ANO4: variants seen among roughly 807,000 people sequenced by gnomAD.
ANO4 encodes anoctamin-4.
In ANO4, 69 loss-of-function variants were observed where a neutral mutation model predicts 141.9. The observed-to-expected ratio is 0.49, with a 90% CI of 0.40 to 0.59. ANO4 has a LOEUF of 0.59. Among genes scored for constraint, ANO4 ranks in the 20% least tolerant of loss-of-function variants. ANO4 has a pLI of 0.00. For synonymous variants in ANO4, 350 were observed against 394.3 expected, an observed-to-expected ratio of 0.89 and a Z score of 1.33; for missense variants, 894 against 1,162.2, an observed-to-expected ratio of 0.77 and a Z score of 3.36.
intron 3 of ANO4, among the ~76,000 whole-genome samples, chr12:100,779,661 T>C (rs543001320): frequency 6.6e-6 from 1 of 152,320 alleles, no homozygotes; most frequent in African/African-American, 2.4e-5. Flanking sequence ...ACCCCTCATA[T>C]GTAGGTTGGT....
chr12:101,111,451 G>C (rs1207581187), intron 23 of ANO4, 112 bp from the exon 24 acceptor site: 3 of 1,023,396 alleles, frequency 2.9e-6, no homozygotes, highest in Non-Finnish European at 4.1e-6. Flanking sequence ...TCAGTATTTG[G>C]AAAGATGAAG....
intron 3 of ANO4, among the ~76,000 whole-genome samples, chr12:100,937,857 A>G (rs1024065187): frequency 6.6e-6 from 1 of 152,052 alleles, no homozygotes; most frequent in Admixed American, 6.6e-5. Flanking sequence ...GCATCTTCCA[A>G]TCTTTCTCTC....
At chr12:100,908,472 C>G (rs1252736237) in intron 2 of ANO4, among the ~76,000 whole-genome samples, 1 of 152,194 alleles carries the variant, frequency 6.6e-6, no homozygotes, top group African/African-American at 2.4e-5. Flanking sequence ...AGCCAATCCT[C>G]TAGCCTAGAA....
At chr12:100,782,254 C>A (rs1435192533) in intron 3 of ANO4, among the ~76,000 whole-genome samples, 1 of 152,168 alleles carries the variant, frequency 6.6e-6, no homozygotes, top group African/African-American at 2.4e-5. Flanking sequence ...CTCCCTCTTA[C>A]AATCATCTAA....
rs147745080 is a variant in ANO4 at position 100,853,465 on chromosome 12, C to T, written c.-140-48181C>T. 3.6e-3 allele frequency among the ~76,000 whole-genome samples: 551 copies of T among 152,194 alleles called. 1 individual carries two copies. Among genetic ancestry groups the T allele is most frequent in the Admixed American group, 7.0e-3 (107 of 15,286 alleles). On this transcript the variant is annotated intron_variant, in intron 1 of 27. Coordinates refer to ENST00000392977, the MANE Select transcript of ANO4 (RefSeq NM_001286615.2). ...CCTCTACAATTACTTAGTAATATTA[C>T]CTTTGCCCTAATTTGAATGTTTTCA...
intron 1 of ANO4, among the ~76,000 whole-genome samples, chr12:100,883,015 G>C (rs936730625): frequency 6.6e-6 from 1 of 152,104 alleles, no homozygotes; most frequent in Non-Finnish European, 1.5e-5. Flanking sequence ...CTCTGTTTAT[G>C]CTCTTTGTTG....
At chr12:101,060,389 A>G (rs1343200121) in intron 14 of ANO4, among the ~76,000 whole-genome samples, 2 of 152,236 alleles carry the variant, frequency 1.3e-5, no homozygotes, top group African/African-American at 4.8e-5. Flanking sequence ...GTAGATGTCT[A>G]TTAGGTTCGC....
chr12:100,734,158 C>G (rs1298735458), intron 2 of ANO4, among the ~76,000 whole-genome samples: 1 of 152,158 alleles, frequency 6.6e-6, no homozygotes, highest in Non-Finnish European at 1.5e-5. Flanking sequence ...CTATTATGCA[C>G]TTGATAGTAC....
chr12:100,814,677 C>G (rs925051611), intron 1 of ANO4, among the ~76,000 whole-genome samples: 3 of 152,020 alleles, frequency 2.0e-5, no homozygotes, highest in Non-Finnish European at 2.9e-5. Context: ...ATATCAGTTA[C>G]CTATTTAGAA....
intron 3 of ANO4, among the ~76,000 whole-genome samples, chr12:100,926,447 T>C (rs1277304763): frequency 6.6e-6 from 1 of 152,124 alleles, no homozygotes; most frequent in East Asian, 1.9e-4. Flanking sequence ...CTAGGCATAA[T>C]ACCTTAAGGC....
intron 8 of ANO4, among the ~76,000 whole-genome samples, chr12:100,997,197 G>C (rs969617950): frequency 5.3e-5 from 8 of 151,996 alleles, no homozygotes; most frequent in Non-Finnish European, 1.2e-4. Context: ...AGCTAGGCGT[G>C]GTTGCGCGTG....
intron 8 of ANO4, among the ~76,000 whole-genome samples, chr12:101,010,469 T>G (rs536613118): frequency 6.6e-6 from 1 of 152,292 alleles, no homozygotes; most frequent in South Asian, 2.1e-4. Context: ...GAACTTTCAA[T>G]GTTATATATT....
intron 8 of ANO4, among the ~76,000 whole-genome samples, chr12:101,001,886 C>T (rs1380128588): frequency 3.9e-5 from 6 of 152,156 alleles, no homozygotes; most frequent in Non-Finnish European, 5.9e-5. Context: ...TTAGAAATGT[C>T]TTTGTCTGTG....
At chr12:100,898,304 A>G (rs552441997) in intron 1 of ANO4, among the ~76,000 whole-genome samples, 1 of 152,308 alleles carries the variant, frequency 6.6e-6, no homozygotes, top group African/African-American at 2.4e-5. Flanking sequence ...AAATGTTAAC[A>G]TTTTCAAATG....
At chr12:100,726,281 G>A (rs1327730568) in intron 1 of ANO4, among the ~76,000 whole-genome samples, 1 of 152,072 alleles carries the variant, frequency 6.6e-6, no homozygotes. Flanking sequence ...TCTGCCTTGG[G>A]GCAGGTCTTT....
intron 3 of ANO4, among the ~76,000 whole-genome samples, chr12:100,937,699 C>T (rs1317322652): frequency 6.6e-6 from 1 of 152,116 alleles, no homozygotes; most frequent in Non-Finnish European, 1.5e-5. Context: ...TTATCTTATA[C>T]TTCTGGAGGT....
intron 5 of ANO4, among the ~76,000 whole-genome samples, chr12:100,953,017 T>C (rs2043035069): frequency 6.6e-6 from 1 of 152,192 alleles, no homozygotes; most frequent in Admixed American, 6.5e-5. Flanking sequence ...AAAACTCAAG[T>C]CATTTTATGA....
chr12:101,089,393 G>C (rs529527936), intron 17 of ANO4, among the ~76,000 whole-genome samples: 56 of 152,076 alleles, frequency 3.7e-4, no homozygotes, highest in African/African-American at 1.2e-3. Flanking sequence ...TCATTTTGAC[G>C]TGATGTTTGT....
rs2135466996 is a variant in ANO4 at position 100,739,852 on chromosome 12, A to G, written c.107-2A>G. ...ACTCACCTAATATGTTTATCTCACC[A>G]GGTTATGACGTTGCGGGGCCTGTGG... On this transcript the variant is annotated splice_acceptor_variant, in intron 2 of 29. Transcript: ENST00000644049. LOFTEE classifies it high-confidence loss of function. The G allele has an allele frequency of 1.4e-6, 1 of 702,322 alleles. No homozygotes were observed. Among genetic ancestry groups the G allele is most frequent in the South Asian group, 1.5e-5 (1 of 67,508 alleles). The allele number at this position is 702,322 out of a possible 1,614,324, so 43.5% of individuals were successfully genotyped here. A position where few individuals can be genotyped will look rare whatever the true frequency, so the allele number is the denominator to read the frequency against.
Sources: gnomAD v4.1 joint callset for allele counts (sites outside exome capture counted in the v4.1 genomes callset) on GRCh38, gnomAD v4.1.1 for gene constraint, MANE v1.5 for transcripts, NCBI Gene and HGNC (gene_info 2026-07-23, HGNC 2026-07-21) for gene names.